Variants in SCML4 observed in about 807,000 individuals in gnomAD.
The protein encoded by SCML4 is Scm polycomb group protein like 4, also known as sex comb on midleg-like protein 4.
A neutral mutation model predicts 41.1 loss-of-function variants in SCML4; 34 were observed. The observed-to-expected ratio is 0.83, with a 90% confidence interval of 0.63 to 1.10. The LOEUF (loss-of-function observed/expected upper bound fraction) is 1.10. SCML4 is among the 50% of genes least tolerant of loss of function. SCML4 has a pLI of 0.00. For synonymous variants in SCML4, 214 were observed against 220.9 expected (o/e 0.97, Z 0.28); for missense variants, 522 against 534.1 (o/e 0.98, Z 0.22).
the SCML4 span, among the ~76,000 whole-genome samples, chr6:107,831,411 CA>C: frequency 2.2e-3 from 233 of 107,480 alleles, 2 homozygotes; most frequent in African/African-American, 7.8e-3. Flanking sequence ...TTTTCATTCT[CA>C]AAAAAAAAAA....
At chr6:107,768,617 T>C (rs908655677) in intron 2 of SCML4, among the ~76,000 whole-genome samples, 3 of 152,208 alleles carry the variant, frequency 2.0e-5, no homozygotes, top group African/African-American at 7.2e-5. Flanking sequence ...GGTTCATTCA[T>C]GCCTAAGTCC....
At chr6:107,769,772 C>T (rs946487660) in intron 2 of SCML4, among the ~76,000 whole-genome samples, 2 of 152,086 alleles carry the variant, frequency 1.3e-5, no homozygotes, top group African/African-American at 2.4e-5. Flanking sequence ...TTATTATTCT[C>T]CAGTGTCCAG....
intron 1 of SCML4, among the ~76,000 whole-genome samples, chr6:107,782,164 G>A (rs1052942926): frequency 2.0e-5 from 3 of 152,210 alleles, no homozygotes; most frequent in Admixed American, 6.5e-5. Flanking sequence ...TGCAGGATTC[G>A]GAAACGCTTT....
the SCML4 span, among the ~76,000 whole-genome samples, chr6:107,830,276 C>T: frequency 6.6e-6 from 1 of 152,240 alleles, no homozygotes; most frequent in Non-Finnish European, 1.5e-5. Context: ...AAACATGGCT[C>T]CTCTCAGACA....
intron 2 of SCML4, among the ~76,000 whole-genome samples, chr6:107,764,609 A>T (rs1779882379): frequency 6.6e-6 from 1 of 152,120 alleles, no homozygotes; most frequent in African/African-American, 2.4e-5. Flanking sequence ...CACCGAAGGA[A>T]CCCAAGAGAG....
At chr6:107,757,427 G>A (rs555508330) in intron 2 of SCML4, among the ~76,000 whole-genome samples, 2 of 152,328 alleles carry the variant, frequency 1.3e-5, no homozygotes, top group South Asian at 4.1e-4. Flanking sequence ...GATAATCTGA[G>A]GATGGAGAGT....
chr6:107,751,626 CT>C (rs1562218878), intron 2 of SCML4, among the ~76,000 whole-genome samples: 57 of 145,834 alleles, frequency 3.9e-4, no homozygotes, highest in African/African-American at 1.4e-3. Context: ...TTCTTTCTTT[CT>C]TTCTTTCTTT....
At position 107,759,326 on chromosome 6, in the gene SCML4, T is replaced by C. The variant is rs192337212; in HGVS notation, c.157-9513A>G. ...ATCTGGGAGACAGAGCCAGACCCTG[T>C]CTCAAAATACATACATACATACATA... On this transcript the variant is annotated intron_variant, in intron 2 of 7. Transcript: ENST00000369020. 6.1e-3 allele frequency among the ~76,000 whole-genome samples: 753 copies of C among 123,770 alleles called. 4 individuals carry two copies. Among genetic ancestry groups the C allele is most frequent in the Non-Finnish European group, 0.01 (603 of 58,316 alleles). 81.2% of individuals were successfully genotyped at this position (123,770 alleles called of 152,430 possible).
chr6:107,779,049 G>A (rs6904184), intron 1 of SCML4, among the ~76,000 whole-genome samples: 145,494 of 151,908 alleles, frequency 0.96, 69,896 homozygotes, highest in Non-Finnish European at 0.99. Context: ...GCGTGGTGGC[G>A]GGCGCCTGTA....
At chr6:107,815,540 C>G (rs1176975027) in intron 1 of SCML4, among the ~76,000 whole-genome samples, 1 of 152,038 alleles carries the variant, frequency 6.6e-6, no homozygotes, top group East Asian at 1.9e-4. Flanking sequence ...AAAATCACAC[C>G]ACCCGCAGCA....
At chr6:107,761,158 T>C (rs1365312527) in intron 2 of SCML4, among the ~76,000 whole-genome samples, 1 of 151,984 alleles carries the variant, frequency 6.6e-6, no homozygotes, top group Non-Finnish European at 1.5e-5. Flanking sequence ...ATATGGAGAA[T>C]GGAAAGGAGA....
rs779514000 is a variant in SCML4 at position 107,720,776 on chromosome 6, G to A, written c.900C>T (p.Pro300=). ...CTGGAGGCCTCAGCCCAGGTGCCGA[G>A]GGGCCACCAGAAGACATGGGGCTAG... The part of the protein sequence containing the change: ...PRTSPMSSGG[P]SAPGLRPPAS... Residue 300 remains proline (P), a synonymous_variant, in exon 6 of 8, where the codon CCC becomes CCT. Transcript: ENST00000369020. The A allele has an allele frequency of 6.2e-7, 1 of 1,612,962 alleles. No homozygotes were observed. The highest frequency in any genetic ancestry group is 1.7e-5 in the Admixed American group (1 of 59,854).
At chr6:107,712,051 C>CGA (rs1254748069) in intron 6 of SCML4, among the ~76,000 whole-genome samples, 2 of 152,100 alleles carry the variant, frequency 1.3e-5, no homozygotes, top group Non-Finnish European at 2.9e-5. Context: ...TTCTGGGAAT[C>CGA]TGTTAATGCA....
chr6:107,757,373 A>G (rs1779200496), intron 2 of SCML4, among the ~76,000 whole-genome samples: 1 of 152,226 alleles, frequency 6.6e-6, no homozygotes, highest in Admixed American at 6.5e-5. Context: ...GCAGTAACAG[A>G]AATGCCAACT....
chr6:107,785,386 G>T (rs1425656525), intron 1 of SCML4, among the ~76,000 whole-genome samples: 1 of 152,228 alleles, frequency 6.6e-6, no homozygotes, highest in Non-Finnish European at 1.5e-5. Context: ...ATCTCAGGCT[G>T]CAGCGAATCA....
At chr6:107,773,426 T>C (rs1330104983) in intron 1 of SCML4, among the ~76,000 whole-genome samples, 7 of 151,912 alleles carry the variant, frequency 4.6e-5, no homozygotes, top group Admixed American at 1.3e-4. Flanking sequence ...ACCCCATCTC[T>C]ACTAAGAATA....
rs984826003 is a variant in SCML4 at position 107,780,933 on chromosome 6, T to C, written c.-59-8547A>G. On this transcript the variant is annotated intron_variant, in intron 1 of 7. Coordinates refer to ENST00000369020, the MANE Select transcript of SCML4 (RefSeq NM_198081.5). ...TAGTAACCATAGCAATGTAGTCAAT[T>C]GACATAAATTGTTTGTGATAAGCAA... is the stretch of plus-strand genomic sequence containing the variant. 1.1e-4 allele frequency among the ~76,000 whole-genome samples: 17 copies of C among 151,644 alleles called. 1 individual carries two copies. The highest frequency in any genetic ancestry group is 4.1e-4 in the African/African-American group (17 of 41,194).
At position 107,706,025 on chromosome 6, in the gene SCML4, C is replaced by A. The variant is rs1182607867; in HGVS notation, c.1120-700G>T. On this transcript the variant is annotated intron_variant, in intron 7 of 7. Transcript: ENST00000369020. ...GGGCTTCCATGGTCACCTTTAGTGC[C>A]ATTTTCAGGTCACTGGAGACAAAGG... Among the ~76,000 whole-genome samples the A allele has an allele frequency of 2.6e-5, 4 of 152,226 alleles. No homozygotes were observed. In the East Asian group the frequency reaches 7.7e-4, roughly 29 times the overall value.
At chr6:107,827,096 T>C (rs1274100863), upstream of SCML4, among the ~76,000 whole-genome samples, 2 of 148,820 alleles carry the variant, frequency 1.3e-5, no homozygotes, top group Non-Finnish European at 1.5e-5. Flanking sequence ...TATATGTATA[T>C]ATTTAAGTAA....
Sources: allele counts gnomAD v4.1 joint callset (sites outside exome capture counted in the v4.1 genomes callset), GRCh38; gene constraint gnomAD v4.1.1; transcripts MANE v1.5; gene names NCBI Gene and HGNC (gene_info 2026-07-23, HGNC 2026-07-21).